Variants in PTPRD observed in about 807,000 individuals in gnomAD.
The protein encoded by PTPRD is protein tyrosine phosphatase receptor type D.
In PTPRD, 34 loss-of-function variants were observed where a neutral mutation model predicts 214.5. The ratio of observed to expected loss-of-function variants is 0.16; its 90% CI spans 0.12 to 0.21. The LOEUF (loss-of-function observed/expected upper bound fraction) is 0.21. Among genes scored for constraint, PTPRD ranks in the 10% least tolerant of loss-of-function variants. The pLI is 1.00. For missense variants in PTPRD, 2,545 were observed against 2,398.7 expected, an observed-to-expected ratio of 1.06 and a Z score of -1.27; for synonymous variants, 1,128 against 845.7, an observed-to-expected ratio of 1.33 and a Z score of -5.79.
chr9:10,490,454 T>C (rs2132647938), intron 2 of PTPRD, among the ~76,000 whole-genome samples: 1 of 152,310 alleles, frequency 6.6e-6, no homozygotes, highest in African/African-American at 2.4e-5. Context: ...GAATTTGCAG[T>C]AACCATTCTA....
chr9:10,267,236 G>C (rs1373967284), intron 3 of PTPRD, among the ~76,000 whole-genome samples: 1 of 151,392 alleles, frequency 6.6e-6, no homozygotes, highest in African/African-American at 2.4e-5. Flanking sequence ...GTCAGGGATG[G>C]AGCAGATGGA....
At chr9:9,908,269 T>C (rs533250205) in intron 5 of PTPRD, among the ~76,000 whole-genome samples, 1 of 152,038 alleles carries the variant, frequency 6.6e-6, no homozygotes, top group Non-Finnish European at 1.5e-5. Flanking sequence ...CAGTGATTGC[T>C]GTATCATCTG....
intron 8 of PTPRD, among the ~76,000 whole-genome samples, chr9:9,467,853 T>C (rs1184126649): frequency 6.6e-6 from 1 of 152,150 alleles, no homozygotes; most frequent in Non-Finnish European, 1.5e-5. Context: ...TCTGTAAATC[T>C]AATTGGTAAC....
chr9:10,496,527 C>T (rs1433485803), intron 2 of PTPRD, among the ~76,000 whole-genome samples: 1 of 151,984 alleles, frequency 6.6e-6, no homozygotes, highest in African/African-American at 2.4e-5. Context: ...TGAGAAATCT[C>T]CAAACTGGTT....
intron 10 of PTPRD, among the ~76,000 whole-genome samples, chr9:9,109,953 A>G (rs2099803776): frequency 6.6e-6 from 1 of 152,004 alleles, no homozygotes; most frequent in African/African-American, 2.4e-5. Flanking sequence ...ACAGAGGAAA[A>G]GCAATATGAG....
At chr9:9,265,452 T>C (rs1357808668) in intron 9 of PTPRD, among the ~76,000 whole-genome samples, 5 of 151,328 alleles carry the variant, frequency 3.3e-5, no homozygotes, top group Non-Finnish European at 7.4e-5. Context: ...TAGATATGGG[T>C]CTTGCTGTGT....
chr9:8,706,916 G>C (rs756475403), intron 12 of PTPRD, among the ~76,000 whole-genome samples: 13 of 152,170 alleles, frequency 8.5e-5, no homozygotes, highest in Non-Finnish European at 1.8e-4. Flanking sequence ...CCGCTGGACA[G>C]CACAAAACAC....
intron 11 of PTPRD, among the ~76,000 whole-genome samples, chr9:8,917,902 T>C (rs556832672): frequency 1.3e-5 from 2 of 152,310 alleles, no homozygotes; most frequent in Admixed American, 6.5e-5. Context: ...TGTGTGTGCA[T>C]GTGCATGCCC....
At chr9:10,301,590 TG>T (rs1267729659) in intron 3 of PTPRD, among the ~76,000 whole-genome samples, 1 of 151,878 alleles carries the variant, frequency 6.6e-6, no homozygotes, top group East Asian at 1.9e-4. Flanking sequence ...CTGATAGAGC[TG>T]AAAAACACAG....
At chr9:10,480,405 A>C (rs1259237499) in intron 2 of PTPRD, among the ~76,000 whole-genome samples, 2 of 152,196 alleles carry the variant, frequency 1.3e-5, no homozygotes, top group African/African-American at 2.4e-5. Context: ...AAGGGGAAGA[A>C]AGTAAGTATT....
At chr9:10,023,818 A>T (rs71497170) in intron 4 of PTPRD, among the ~76,000 whole-genome samples, 23,164 of 151,984 alleles carry the variant, frequency 0.15, 2,024 homozygotes, top group African/African-American at 0.22. Context: ...AAAGGTTAAC[A>T]TTCTTCACAT....
chr9:8,471,351 G>A (rs1387987643), intron 30 of PTPRD, among the ~76,000 whole-genome samples: 2 of 152,058 alleles, frequency 1.3e-5, no homozygotes, highest in African/African-American at 4.8e-5. Context: ...AAACAGAGCA[G>A]GCATAGTTTG....
intron 4 of PTPRD, among the ~76,000 whole-genome samples, chr9:9,998,724 G>A (rs1300911248): frequency 1.3e-5 from 2 of 152,090 alleles, no homozygotes; most frequent in Non-Finnish European, 2.9e-5. Context: ...TCTAAATAAC[G>A]TCTCTCTCCA....
chr9:8,480,778 G>A (rs1029347083), intron 30 of PTPRD, among the ~76,000 whole-genome samples: 7 of 152,100 alleles, frequency 4.6e-5, no homozygotes, highest in South Asian at 2.1e-4. Context: ...ATATAATCCC[G>A]CTGTCATACT....
At chr9:9,725,701 TA>T (rs1050721161) in intron 7 of PTPRD, among the ~76,000 whole-genome samples, 90 of 152,348 alleles carry the variant, frequency 5.9e-4, no homozygotes, top group African/African-American at 2.1e-3. Flanking sequence ...TGTGTATGTT[TA>T]TTTTTCTTCA....
At chr9:9,283,133 CT>C (rs927784974) in intron 9 of PTPRD, among the ~76,000 whole-genome samples, 3 of 151,300 alleles carry the variant, frequency 2.0e-5, no homozygotes, top group African/African-American at 7.3e-5. Flanking sequence ...GCTTCATTTC[CT>C]TTTTATAATT....
chr9:10,227,797 T>G (rs1395889269), intron 3 of PTPRD, among the ~76,000 whole-genome samples: 1 of 152,018 alleles, frequency 6.6e-6, no homozygotes, highest in African/African-American at 2.4e-5. Context: ...ACTGAATGAA[T>G]GAGAGAGTGA....
chr9:10,493,744 C>G, intron 2 of PTPRD, among the ~76,000 whole-genome samples: 1 of 151,838 alleles, frequency 6.6e-6, no homozygotes, highest in African/African-American at 2.4e-5. Context: ...AAGATTTCCC[C>G]CATAGAATAG....
chr9:8,807,262 G>A lies in PTPRD; in HGVS notation c.-103-73316C>T, dbSNP rs184270911. On this transcript the variant is annotated intron_variant, in intron 11 of 45. Coordinates refer to ENST00000381196, the MANE Select transcript of PTPRD (RefSeq NM_002839.4). ...TGAGGCAGGAGAATCGCTTGAACCC[G>A]GGAGGCAGAGGTTGCAGTGAGCCGA... Among the ~76,000 whole-genome samples, 493 of 152,094 alleles carry A rather than the reference G, an allele frequency of 3.2e-3. 7 individuals carry two copies. The highest frequency in any genetic ancestry group is 0.028 in the Admixed American group (432 of 15,272).
Sources: gnomAD v4.1 joint callset for allele counts (sites outside exome capture counted in the v4.1 genomes callset) on GRCh38, gnomAD v4.1.1 for gene constraint, MANE v1.5 for transcripts, NCBI Gene and HGNC (gene_info 2026-07-23, HGNC 2026-07-21) for gene names.